LDLRAD3: variants seen among roughly 807,000 people sequenced by gnomAD.
The protein encoded by LDLRAD3 is low density lipoprotein receptor class A domain containing 3.
LDLRAD3 carries 20 observed loss-of-function variants against 29.4 expected under a neutral mutation model. That is an observed-to-expected ratio of 0.68 (90% CI 0.48 to 0.99). The LOEUF is 0.99. Ranked by LOEUF, LDLRAD3 falls within the 50% of genes least tolerant of loss-of-function variation. The probability of loss-of-function intolerance (pLI) is 0.00; values close to 1 mark genes in which losing one functional copy is unlikely to be tolerated. For synonymous variants in LDLRAD3, 157 were observed against 192.7 expected, an observed-to-expected ratio of 0.81 and a Z score of 1.53; for missense variants, 420 against 454.3, an observed-to-expected ratio of 0.92 and a Z score of 0.69.
At chr11:35,998,183 G>A (rs576682866) in intron 1 of LDLRAD3, among the ~76,000 whole-genome samples, 3 of 152,126 alleles carry the variant, frequency 2.0e-5, no homozygotes, top group African/African-American at 7.2e-5. Flanking sequence ...TTTTTAAAGG[G>A]GGAACTCTGA....
intron 2 of LDLRAD3, among the ~76,000 whole-genome samples, chr11:36,039,119 G>A (rs1259449122): frequency 1.3e-5 from 2 of 151,972 alleles, no homozygotes; most frequent in Non-Finnish European, 2.9e-5. Flanking sequence ...ACAGGCGCCC[G>A]CCACTACGCC....
chr11:35,970,355 A>G (rs1851397035), intron 1 of LDLRAD3, among the ~76,000 whole-genome samples: 1 of 152,144 alleles, frequency 6.6e-6, no homozygotes, highest in African/African-American at 2.4e-5. Flanking sequence ...CAGAGGGAAG[A>G]TGGCCTTGTG....
At position 36,116,553 on chromosome 11, in the gene LDLRAD3, T is replaced by C. The variant is rs531898289; in HGVS notation, c.454+18092T>C. ...AACAGAGCTGAATCTCGTATTAGCC[T>C]TTGTTAATTCAGTGTTAGGCACCTG... On this transcript the variant is annotated intron_variant, in intron 4 of 5. Transcript: ENST00000315571. Among the ~76,000 whole-genome samples the C allele has an allele frequency of 7.9e-5, 12 of 152,230 alleles. No homozygotes were observed. The South Asian group carries it at 2.5e-3, about 32-fold the overall frequency.
chr11:36,083,761 C>G (rs1175785944), intron 3 of LDLRAD3, among the ~76,000 whole-genome samples: 1 of 151,302 alleles, frequency 6.6e-6, no homozygotes, highest in Non-Finnish European at 1.5e-5. Flanking sequence ...CACACACACA[C>G]ACACACACAC....
intron 4 of LDLRAD3, among the ~76,000 whole-genome samples, chr11:36,116,576 C>G (rs1017756702): frequency 1.3e-5 from 2 of 151,984 alleles, no homozygotes; most frequent in African/African-American, 4.8e-5. Context: ...TGTTAGGCAC[C>G]TGGGATGCAT....
intron 4 of LDLRAD3, among the ~76,000 whole-genome samples, chr11:36,165,944 T>TTCCCTCCCTC (rs1854506837): frequency 9.1e-6 from 1 of 109,826 alleles, no homozygotes. Flanking sequence ...CTGGCTTGCT[T>TTCCCTCCCTC]CCTCCCTCCC....
chr11:35,974,449 A>G (rs868201239), intron 1 of LDLRAD3, among the ~76,000 whole-genome samples: 2 of 152,092 alleles, frequency 1.3e-5, no homozygotes, highest in Admixed American at 6.5e-5. Flanking sequence ...CTTACTTACT[A>G]TGTCACAGTT....
At chr11:36,020,213 TCA>T (rs1852078666) in intron 1 of LDLRAD3, among the ~76,000 whole-genome samples, 1 of 152,098 alleles carries the variant, frequency 6.6e-6, no homozygotes, top group African/African-American at 2.4e-5. Context: ...AAAGGTTGCC[TCA>T]CAGAAAATCC....
intron 4 of LDLRAD3, among the ~76,000 whole-genome samples, chr11:36,110,258 C>T (rs1383684258): frequency 6.6e-6 from 1 of 152,204 alleles, no homozygotes; most frequent in Non-Finnish European, 1.5e-5. Context: ...AACTTTGTTA[C>T]TGCGGTAATC....
chr11:36,060,847 T>C lies in LDLRAD3; in HGVS notation c.194-20806T>C, dbSNP rs1852687638. Among the ~76,000 whole-genome samples the C allele has an allele frequency of 3.9e-5, 6 of 152,362 alleles. No individual in the cohort carries two copies. In the South Asian group the frequency reaches 1.2e-3, roughly 32 times the overall value. ...GTCTATTACCTTTCTTTTCTGCTTT[T>C]CCTTATAACATCCCATTTTCCACAT... On this transcript the variant is annotated intron_variant, in intron 2 of 5. Transcript: ENST00000315571.
At chr11:35,982,481 T>C (rs1163339443) in intron 1 of LDLRAD3, among the ~76,000 whole-genome samples, 1 of 152,192 alleles carries the variant, frequency 6.6e-6, no homozygotes, top group African/African-American at 2.4e-5. Flanking sequence ...TATGGCCACA[T>C]TCTGAGTTAA....
intron 1 of LDLRAD3, among the ~76,000 whole-genome samples, chr11:35,970,825 C>T (rs1451575530): frequency 6.6e-6 from 1 of 152,174 alleles, no homozygotes; most frequent in African/African-American, 2.4e-5. Flanking sequence ...GCAGTTTAGT[C>T]TCAAAGGGAG....
At chr11:36,221,505 A>G (rs1053945151) in intron 4 of LDLRAD3, among the ~76,000 whole-genome samples, 2 of 152,182 alleles carry the variant, frequency 1.3e-5, no homozygotes, top group Admixed American at 6.5e-5. Flanking sequence ...AAGGACAGGA[A>G]ACAATAAAGG....
chr11:35,981,737 CCAT>C, intron 1 of LDLRAD3, among the ~76,000 whole-genome samples: 1 of 152,174 alleles, frequency 6.6e-6, no homozygotes, highest in Non-Finnish European at 1.5e-5. Flanking sequence ...TTGGCATCTC[CCAT>C]CAAGTTGGCA....
chr11:36,105,521 T>C (rs7943556), intron 4 of LDLRAD3, among the ~76,000 whole-genome samples: 63,900 of 151,936 alleles, frequency 0.42, 13,809 homozygotes, highest in East Asian at 0.71. Flanking sequence ...ATGTTACTTG[T>C]GAAGATGAGG....
At chr11:36,186,947 C>A (rs142388605) in intron 4 of LDLRAD3, among the ~76,000 whole-genome samples, 414 of 152,260 alleles carry the variant, frequency 2.7e-3, no homozygotes, top group South Asian at 0.014. Context: ...GTGGAGCTTG[C>A]ATAAATGTGC....
At chr11:36,194,544 G>A (rs1009674606) in intron 4 of LDLRAD3, among the ~76,000 whole-genome samples, 4 of 152,110 alleles carry the variant, frequency 2.6e-5, no homozygotes, top group Non-Finnish European at 5.9e-5. Flanking sequence ...TGGGCATATG[G>A]TTTACTCCCA....
intron 1 of LDLRAD3, among the ~76,000 whole-genome samples, chr11:35,965,127 A>G (rs1851323627): frequency 6.6e-6 from 1 of 152,226 alleles, no homozygotes; most frequent in Non-Finnish European, 1.5e-5. Context: ...AAAAGAAAAA[A>G]ACAAAAGCTT....
intron 4 of LDLRAD3, among the ~76,000 whole-genome samples, chr11:36,152,316 CAGAA>C (rs1346517696): frequency 2.6e-5 from 4 of 152,200 alleles, no homozygotes; most frequent in Non-Finnish European, 5.9e-5. Context: ...CTATCAGAGA[CAGAA>C]AGACCATTAG....
Sources: gnomAD v4.1 joint callset for allele counts (sites outside exome capture counted in the v4.1 genomes callset) on GRCh38, gnomAD v4.1.1 for gene constraint, MANE v1.5 for transcripts, NCBI Gene and HGNC (gene_info 2026-07-23, HGNC 2026-07-21) for gene names.